The following TMEM50A variants were observed in gnomAD, a reference collection of about 807,000 sequenced individuals.
TMEM50A encodes the protein cervical cancer oncogene 9.
In TMEM50A, 8 loss-of-function variants were observed where a neutral mutation model predicts 23.9. That is an observed-to-expected ratio of 0.33 (90% CI 0.20 to 0.60). The LOEUF (loss-of-function observed/expected upper bound fraction) is 0.60, where lower values mean the gene tolerates loss of function less well. Among genes scored for constraint, TMEM50A ranks in the 20% least tolerant of loss-of-function variants. TMEM50A has a pLI of 0.81. For missense variants in TMEM50A, 178 were observed against 192.7 expected, an observed-to-expected ratio of 0.92 and a Z score of 0.45; for synonymous variants, 55 against 60.4, an observed-to-expected ratio of 0.91 and a Z score of 0.41.
At chr1:25,359,908 T>A (rs1286021945) in intron 6 of TMEM50A, among the ~76,000 whole-genome samples, 1 of 152,094 alleles carries the variant, frequency 6.6e-6, no homozygotes, top group Non-Finnish European at 1.5e-5. Flanking sequence ...TGTGCCCCCT[T>A]AATACTTGTT....
rs975171556 is a variant in TMEM50A, at chr1:25,348,374, C to T, written c.207-3252C>T. 2.6e-5 allele frequency among the ~76,000 whole-genome samples: 4 copies of T among 152,094 alleles called. No homozygotes were observed. The East Asian group carries it at 7.7e-4, about 29-fold the overall frequency. ...ATTAATAAATGTTCTGTGTATTACT[C>T]TGTATTTTTTAATTTTAAAAATGTA... On this transcript the variant is annotated intron_variant, in intron 3 of 6. Transcript: ENST00000374358.
intron 3 of TMEM50A, 126 bp downstream of exon 3, chr1:25,343,199 T>A: frequency 1.4e-6 from 1 of 706,038 alleles, no homozygotes; most frequent in Non-Finnish European, 2.3e-6. Flanking sequence ...GATTTAAAAG[T>A]CACACAGTAG....
chr1:25,360,123 G>A (rs1329141265), intron 6 of TMEM50A, among the ~76,000 whole-genome samples: 1 of 152,162 alleles, frequency 6.6e-6, no homozygotes, highest in East Asian at 1.9e-4. Flanking sequence ...GCCGAGGTAG[G>A]CGGATCACGA....
intron 2 of TMEM50A, among the ~76,000 whole-genome samples, chr1:25,341,301 A>G (rs1326230929): frequency 6.6e-6 from 1 of 151,932 alleles, no homozygotes; most frequent in African/African-American, 2.4e-5. Context: ...TCTGTCGCCC[A>G]GGCTGGCGTG....
intron 5 of TMEM50A, among the ~76,000 whole-genome samples, chr1:25,354,350 G>A (rs2124257794): frequency 6.6e-6 from 1 of 152,256 alleles, no homozygotes; most frequent in South Asian, 2.1e-4. Flanking sequence ...AAGGGTGGGT[G>A]CAGTGTAATC....
chr1:25,344,919 AT>A (rs1414306700), intron 3 of TMEM50A, among the ~76,000 whole-genome samples: 2 of 150,346 alleles, frequency 1.3e-5, no homozygotes, highest in Non-Finnish European at 3.0e-5. Flanking sequence ...TCACATCTTT[AT>A]TTTTTTCCCA....
chr1:25,347,130 G>T (rs1645226243), intron 3 of TMEM50A, among the ~76,000 whole-genome samples: 1 of 152,036 alleles, frequency 6.6e-6, no homozygotes, highest in Non-Finnish European at 1.5e-5. Flanking sequence ...ACAGCATCTA[G>T]ATCAAGATTT....
chr1:25,340,914 G>A (rs1571795399), intron 2 of TMEM50A, among the ~76,000 whole-genome samples: 1 of 152,178 alleles, frequency 6.6e-6, no homozygotes, highest in Admixed American at 6.5e-5. Flanking sequence ...GTCAATAGAT[G>A]TGATTGCATT....
intron 1 of TMEM50A, among the ~76,000 whole-genome samples, chr1:25,339,274 T>C (rs1266758942): frequency 6.6e-6 from 1 of 152,210 alleles, no homozygotes; most frequent in African/African-American, 2.4e-5. Context: ...ATCTCAGGTC[T>C]CTACTGCTCG....
rs3093590 is a variant in TMEM50A at position 25,343,338 on chromosome 1, G to A, written c.206+265G>A. On this transcript the variant is annotated intron_variant, in intron 3 of 6. Coordinates refer to ENST00000374358, the MANE Select transcript of TMEM50A (RefSeq NM_014313.4). ...GGTTTATAGCTTTATATTTAAGTCC[G>A]AAACTGTGTATTTTGTCTAAGGGAT... Among the ~76,000 whole-genome samples, 914 of 152,046 alleles carry A rather than the reference G, an allele frequency of 6.0e-3. 4 individuals carry two copies. The highest frequency in any genetic ancestry group is 0.02 in the African/African-American group (847 of 41,460).
chr1:25,352,480 AGCAAGACTCT>A (rs1454326192), intron 4 of TMEM50A, among the ~76,000 whole-genome samples: 2 of 146,530 alleles, frequency 1.4e-5, no homozygotes, highest in Non-Finnish European at 3.0e-5. Context: ...TAGGAGACAG[AGCAAGACTCT>A]GCCTCAAAAA....
chr1:25,356,002 C>T (rs1645330082), intron 5 of TMEM50A, among the ~76,000 whole-genome samples: 1 of 151,646 alleles, frequency 6.6e-6, no homozygotes, highest in Non-Finnish European at 1.5e-5. Context: ...TGAGTCTAAC[C>T]ACCATTTACC....
intron 3 of TMEM50A, among the ~76,000 whole-genome samples, chr1:25,346,312 G>T (rs3093648): frequency 3.1e-3 from 477 of 151,604 alleles, no homozygotes; most frequent in Non-Finnish European, 5.5e-3. Context: ...AACAAGGTTT[G>T]AGGGAGGCAC....
intron 3 of TMEM50A, 72 bp from the exon 4 acceptor site, chr1:25,351,554 A>T: frequency 7.4e-7 from 1 of 1,344,660 alleles, no homozygotes; most frequent in Non-Finnish European, 1.0e-6. Context: ...TACATTTGAG[A>T]AACTGTAGAT....
chr1:25,351,767 C>G, intron 4 of TMEM50A, 74 bp downstream of exon 4: 1 of 1,284,126 alleles, frequency 7.8e-7, no homozygotes, highest in South Asian at 1.3e-5. Flanking sequence ...GGAAATACCA[C>G]TTTTCTATTT....
chr1:25,341,763 C>T (rs1349271706), intron 2 of TMEM50A, among the ~76,000 whole-genome samples: 1 of 152,182 alleles, frequency 6.6e-6, no homozygotes, highest in African/African-American at 2.4e-5. Flanking sequence ...GGTGAAATCA[C>T]TGCTCATTGC....
rs1447590334 is a variant in TMEM50A, at chr1:25,343,418, C to T, written c.206+345C>T. Among the ~76,000 whole-genome samples the T allele has an allele frequency of 5.3e-5, 8 of 152,124 alleles. No homozygotes were observed. The South Asian group carries it at 6.2e-4, about 12-fold the overall frequency. ...TATATTCCAGACTCTGCTCTAGGTA[C>T]AGGACATATAGTAGTTAGTAAAACA... On this transcript the variant is annotated intron_variant, in intron 3 of 6. Coordinates refer to ENST00000374358, the MANE Select transcript of TMEM50A (RefSeq NM_014313.4).
chr1:25,339,214 A>G (rs1645140060), intron 1 of TMEM50A, among the ~76,000 whole-genome samples: 1 of 152,194 alleles, frequency 6.6e-6, no homozygotes, highest in South Asian at 2.1e-4. Context: ...TTCGCAAGTT[A>G]TATGTATTTC....
chr1:25,359,056 A>C lies in TMEM50A; in HGVS notation c.429-1604A>C, dbSNP rs557803424. On this transcript the variant is annotated intron_variant, in intron 6 of 6. Coordinates refer to ENST00000374358, the MANE Select transcript of TMEM50A (RefSeq NM_014313.4). ...AGGCATGAGCCACTGTGTCTGGCTC[A>C]TAGCCCCCATTTCATTTGGTGCCTG... 7.9e-5 allele frequency among the ~76,000 whole-genome samples: 12 copies of C among 152,296 alleles called. No individual in the cohort carries two copies. The East Asian group carries it at 2.3e-3, about 29-fold the overall frequency.
Sources: gnomAD v4.1 joint callset for allele counts (sites outside exome capture counted in the v4.1 genomes callset) on GRCh38, gnomAD v4.1.1 for gene constraint, MANE v1.5 for transcripts, NCBI Gene and HGNC (gene_info 2026-07-23, HGNC 2026-07-21) for gene names.